Variants in APBA1 observed in about 807,000 individuals in gnomAD.
APBA1 encodes the protein amyloid beta precursor protein binding family A member 1, also known as amyloid-beta A4 precursor protein-binding family A member 1.
APBA1 carries 55 observed loss-of-function variants against 86.6 expected under a neutral mutation model. The observed-to-expected ratio is 0.64, with a 90% CI of 0.51 to 0.80. The LOEUF (loss-of-function observed/expected upper bound fraction) is 0.80. APBA1 is among the 30% of genes least tolerant of loss of function. APBA1 has a pLI of 0.00. For missense variants in APBA1, 1,090 were observed against 1,183.0 expected (o/e 0.92, Z 1.15); for synonymous variants, 511 against 493.9 (o/e 1.03, Z -0.46).
chr9:69,611,323 C>T (rs1031083108), intron 1 of APBA1, among the ~76,000 whole-genome samples: 2 of 148,584 alleles, frequency 1.3e-5, no homozygotes, highest in South Asian at 2.1e-4. Context: ...AAACCCAAAC[C>T]GGCTAAAATG....
At chr9:69,533,721 C>T (rs1836466300) in intron 1 of APBA1, among the ~76,000 whole-genome samples, 1 of 152,218 alleles carries the variant, frequency 6.6e-6, no homozygotes, top group Admixed American at 6.5e-5. Context: ...TGGTCATTCA[C>T]ATCTGTGCTC....
chr9:69,645,541 C>T (rs1041536425), intron 1 of APBA1, among the ~76,000 whole-genome samples: 1 of 152,184 alleles, frequency 6.6e-6, no homozygotes, highest in African/African-American at 2.4e-5. Flanking sequence ...GACTTGCTTG[C>T]CCAGTTTCCC....
At position 69,516,407 on chromosome 9, in the gene APBA1, C is replaced by A; in HGVS notation, c.804G>T (p.Glu268Asp). The A allele has an allele frequency of 6.2e-7, 1 of 1,604,734 alleles. No individual in the cohort carries two copies. Reference protein sequence around the residue: ...YPRMDSYEQEEDIDQIVAEVK... With the variant: ...YPRMDSYEQEDDIDQIVAEVK... ...CCTCGGCCACTATCTGGTCGATGTC[C>A]TCCTCCTGCTCGTAGCTGTCCATGC... is the stretch of plus-strand genomic sequence containing the variant. Residue 268 changes from glutamate (E) to aspartate (D), a missense_variant, in exon 2 of 13, where the codon GAG (glutamate) becomes GAT (aspartate). Glu to Asp is a conservative substitution (Grantham distance 45). This residue lies in a region of APBA1 where 678 missense variants were observed against 647.1 expected (regional missense o/e 1.05). Transcript: ENST00000265381. This position sits in a 1 kb window ranked among gnomAD's most constrained non-coding sequence, Gnocchi z 7.3.
chr9:69,486,776 G>A (rs762720054), intron 2 of APBA1, among the ~76,000 whole-genome samples: 12 of 152,058 alleles, frequency 7.9e-5, no homozygotes, highest in Non-Finnish European at 1.3e-4. Flanking sequence ...CTAGCAGCTG[G>A]AGCCCCATGG....
chr9:69,573,838 G>T (rs1258024919), intron 1 of APBA1, among the ~76,000 whole-genome samples: 1 of 152,216 alleles, frequency 6.6e-6, no homozygotes, highest in Non-Finnish European at 1.5e-5. Context: ...GCCTGCAGAG[G>T]CCAGACAGCT....
chr9:69,642,417 A>G (rs1486872792), intron 1 of APBA1, among the ~76,000 whole-genome samples: 1 of 152,198 alleles, frequency 6.6e-6, no homozygotes, highest in Non-Finnish European at 1.5e-5. Context: ...TCTACCACTT[A>G]ACTAGAATAC....
At chr9:69,652,133 A>G (rs993003881) in intron 1 of APBA1, among the ~76,000 whole-genome samples, 1 of 152,312 alleles carries the variant, frequency 6.6e-6, no homozygotes, top group East Asian at 1.9e-4. Context: ...ACCTGCTAAC[A>G]CCTTGATCTT....
intron 1 of APBA1, among the ~76,000 whole-genome samples, chr9:69,623,167 T>C (rs1276054871): frequency 6.6e-6 from 1 of 152,102 alleles, no homozygotes; most frequent in Non-Finnish European, 1.5e-5. Flanking sequence ...ATTATCAATC[T>C]ACAGTTGTTT....
intron 1 of APBA1, among the ~76,000 whole-genome samples, chr9:69,642,344 G>A (rs1166536127): frequency 6.6e-6 from 1 of 152,114 alleles, no homozygotes; most frequent in African/African-American, 2.4e-5. Context: ...GATATGATTG[G>A]ACAATAAGCC....
chr9:69,490,621 A>C (rs1835693227), intron 2 of APBA1, among the ~76,000 whole-genome samples: 1 of 152,090 alleles, frequency 6.6e-6, no homozygotes, highest in Non-Finnish European at 1.5e-5. Flanking sequence ...AATTAAACTA[A>C]AGAGCTTCTG....
chr9:69,445,268 A>G (rs2133800233), intron 10 of APBA1, among the ~76,000 whole-genome samples: 1 of 152,300 alleles, frequency 6.6e-6, no homozygotes, highest in South Asian at 2.1e-4. Flanking sequence ...AGATTGGGGA[A>G]AATGTGTTGC....
intron 9 of APBA1, among the ~76,000 whole-genome samples, chr9:69,450,519 C>A (rs753916926): frequency 2.0e-5 from 3 of 152,166 alleles, no homozygotes; most frequent in Non-Finnish European, 4.4e-5. Flanking sequence ...GGGGGCTTGA[C>A]AAAGTCCCCT....
At chr9:69,602,787 T>G (rs1191407286) in intron 1 of APBA1, among the ~76,000 whole-genome samples, 1 of 152,134 alleles carries the variant, frequency 6.6e-6, no homozygotes, top group South Asian at 2.1e-4. Context: ...GTCTCCCCAG[T>G]GGAGTTTTTA....
intron 1 of APBA1, among the ~76,000 whole-genome samples, chr9:69,608,729 C>T (rs1020693385): frequency 5.9e-5 from 9 of 152,142 alleles, no homozygotes; most frequent in African/African-American, 2.2e-4. Flanking sequence ...CTAAAGCAAA[C>T]TGAATTAAAG....
At chr9:69,492,727 C>T (rs1564054636) in intron 2 of APBA1, among the ~76,000 whole-genome samples, 1 of 152,052 alleles carries the variant, frequency 6.6e-6, no homozygotes, top group Admixed American at 6.5e-5. Flanking sequence ...CATACGTATG[C>T]CTCTACTGTT....
At position 69,564,162 on chromosome 9, in the gene APBA1, A is replaced by G. The variant is rs529480900; in HGVS notation, c.-69-46883T>C. On this transcript the variant is annotated intron_variant, in intron 1 of 12. Transcript: ENST00000265381. ...AGGATCACAGGCTTACAGATGACTG[A>G]TGGAACTCATACCCAAATGCAGTTA... is the stretch of plus-strand genomic sequence containing the variant. 1.3e-4 allele frequency among the ~76,000 whole-genome samples: 20 copies of G among 152,310 alleles called. 1 individual carries two copies. The East Asian group carries it at 2.3e-3, about 18-fold the overall frequency.
At chr9:69,576,638 T>C (rs997810579) in intron 1 of APBA1, among the ~76,000 whole-genome samples, 5 of 151,812 alleles carry the variant, frequency 3.3e-5, no homozygotes, top group Non-Finnish European at 5.9e-5. Context: ...TTCTCACTCA[T>C]AGGTAGGAAT....
chr9:69,586,531 TA>T (rs1435498909), intron 1 of APBA1, among the ~76,000 whole-genome samples: 6 of 152,158 alleles, frequency 3.9e-5, no homozygotes, highest in African/African-American at 1.2e-4. Context: ...AGGGGATTTT[TA>T]AAGCCAACCT....
intron 1 of APBA1, among the ~76,000 whole-genome samples, chr9:69,524,167 T>C (rs1025070645): frequency 6.6e-6 from 1 of 151,922 alleles, no homozygotes; most frequent in African/African-American, 2.4e-5. Context: ...ACATCACACC[T>C]AGAGGAACTA....
Sources: allele counts gnomAD v4.1 joint callset (sites outside exome capture counted in the v4.1 genomes callset), GRCh38; gene constraint gnomAD v4.1.1; regional missense constraint gnomAD v4.1.1; non-coding constraint Gnocchi (gnomAD v3.1); transcripts MANE v1.5; gene names NCBI Gene and HGNC (gene_info 2026-07-23, HGNC 2026-07-21).